The following CADM2 variants were observed in gnomAD, a reference collection of about 807,000 sequenced individuals.
The protein encoded by CADM2 is cell adhesion molecule 2, also known as immunoglobulin superfamily member 4D.
Under a neutral mutation model 49.8 loss-of-function variants are expected in CADM2, and 12 were observed. The observed-to-expected ratio is 0.24, with a 90% CI of 0.15 to 0.39. The LOEUF is 0.39. CADM2 is among the 10% of genes least tolerant of loss of function. CADM2 has a pLI of 1.00. For synonymous variants in CADM2, 214 were observed against 175.4 expected (o/e 1.22, Z -1.74); for missense variants, 378 against 492.3 (o/e 0.77, Z 2.20).
chr3:85,883,425 G>A lies in CADM2; in HGVS notation c.373G>A (p.Ala125Thr), dbSNP rs754848560. The change falls in exon 4 of 10, where the codon GCA becomes ACA. Residue 125 changes from alanine (A) to threonine (T), a missense_variant. Physicochemically the swap from Ala to Thr is moderately conservative, Grantham distance 58. Coordinates refer to ENST00000383699, the MANE Select transcript of CADM2 (RefSeq NM_001167675.2). ...TACAATGCCTGTCAAAACTTCCAAG[G>A]CATATCTCACCGTTCTGGGTAAGTG... is the stretch of plus-strand genomic sequence containing the variant. The part of the protein sequence containing the change: ...LFTMPVKTSK[A>T]YLTVLGVPEK... 1 of 1,613,460 alleles carries A rather than the reference G, an allele frequency of 6.2e-7. No individual in the cohort carries two copies. The highest frequency in any genetic ancestry group is 8.5e-7 in the Non-Finnish European group (1 of 1,179,622).
At chr3:84,966,866 T>C (rs2031037514) in intron 1 of CADM2, among the ~76,000 whole-genome samples, 1 of 152,052 alleles carries the variant, frequency 6.6e-6, no homozygotes, top group African/African-American at 2.4e-5. Flanking sequence ...TTAAGGAGTT[T>C]TTCCAGGGGT....
intron 1 of CADM2, among the ~76,000 whole-genome samples, chr3:85,668,010 T>C (rs2065622670): frequency 6.6e-6 from 1 of 152,050 alleles, no homozygotes; most frequent in Non-Finnish European, 1.5e-5. Context: ...ATTAACATTG[T>C]TGACTCATAG....
chr3:86,057,446 C>T (rs537570619), intron 8 of CADM2, among the ~76,000 whole-genome samples: 22 of 152,036 alleles, frequency 1.4e-4, no homozygotes, highest in Non-Finnish European at 2.1e-4. Flanking sequence ...TATGAAGGGG[C>T]AGTGATCCGT....
intron 8 of CADM2, among the ~76,000 whole-genome samples, chr3:86,026,399 A>G (rs1030230941): frequency 6.6e-5 from 10 of 151,676 alleles, no homozygotes; most frequent in Admixed American, 6.6e-5. Flanking sequence ...ACTGAGTTTG[A>G]TAAATTAGAT....
intron 1 of CADM2, among the ~76,000 whole-genome samples, chr3:85,110,759 G>A (rs567286674): frequency 1.3e-5 from 2 of 151,780 alleles, no homozygotes; most frequent in East Asian, 1.9e-4. Context: ...AATTATTTTG[G>A]TGAAGACAGA....
chr3:85,723,742 A>C lies in CADM2; in HGVS notation c.62-2780A>C, dbSNP rs546340608. Among the ~76,000 whole-genome samples the C allele has an allele frequency of 3.9e-4, 59 of 152,238 alleles. No homozygotes were observed. The South Asian group carries it at 4.6e-3, about 12-fold the overall frequency. ...ATAAATGTAAAGATTAGCTTTATCC[A>C]TCATTATTTCACTAATTTATGATAA... On this transcript the variant is annotated intron_variant, in intron 1 of 9. Coordinates refer to ENST00000383699, the MANE Select transcript of CADM2 (RefSeq NM_001167675.2).
chr3:85,750,808 T>G (rs2068829381), intron 2 of CADM2, among the ~76,000 whole-genome samples: 1 of 151,996 alleles, frequency 6.6e-6, no homozygotes, highest in South Asian at 2.1e-4. Context: ...ATGCTATCAG[T>G]GTGCATACTC....
chr3:85,384,243 T>G (rs1033010935), intron 1 of CADM2, among the ~76,000 whole-genome samples: 1 of 152,214 alleles, frequency 6.6e-6, no homozygotes, highest in Non-Finnish European at 1.5e-5. Context: ...ATATATCTTA[T>G]AGAATGCACT....
chr3:85,884,124 G>A (rs1169473306), intron 4 of CADM2, among the ~76,000 whole-genome samples: 5 of 152,168 alleles, frequency 3.3e-5, no homozygotes, highest in South Asian at 2.1e-4. Context: ...AGGAAATAAA[G>A]TTGCAGCTCT....
At chr3:85,215,919 C>T (rs892947509) in intron 1 of CADM2, among the ~76,000 whole-genome samples, 1 of 152,110 alleles carries the variant, frequency 6.6e-6, no homozygotes, top group African/African-American at 2.4e-5. Flanking sequence ...GGTTCTCTCC[C>T]CACACCATGC....
intron 8 of CADM2, among the ~76,000 whole-genome samples, chr3:86,044,820 C>T (rs1736442772): frequency 6.6e-6 from 1 of 152,098 alleles, no homozygotes; most frequent in Admixed American, 6.5e-5. Flanking sequence ...AAATGTCCAA[C>T]AATGATAGAC....
At chr3:85,389,379 C>A (rs1299148352) in intron 1 of CADM2, among the ~76,000 whole-genome samples, 1 of 152,014 alleles carries the variant, frequency 6.6e-6, no homozygotes, top group Non-Finnish European at 1.5e-5. Context: ...AGGAGACTAG[C>A]AGTTGCAGAA....
intron 7 of CADM2, among the ~76,000 whole-genome samples, chr3:85,958,894 G>A (rs894601777): frequency 5.3e-5 from 8 of 151,804 alleles, no homozygotes; most frequent in African/African-American, 1.9e-4. Flanking sequence ...ACTGGAGCCT[G>A]TTGCAGGGTT....
intron 1 of CADM2, among the ~76,000 whole-genome samples, chr3:85,694,243 C>A (rs1016583730): frequency 1.6e-4 from 25 of 152,246 alleles, no homozygotes; most frequent in Admixed American, 4.6e-4. Context: ...ATGTTGACAT[C>A]TTTGATGTGA....
At chr3:85,008,220 T>C (rs1394699748) in intron 1 of CADM2, among the ~76,000 whole-genome samples, 2 of 152,202 alleles carry the variant, frequency 1.3e-5, no homozygotes, top group Non-Finnish European at 2.9e-5. Context: ...TAGCTAACTA[T>C]CGATATGTGA....
intron 1 of CADM2, among the ~76,000 whole-genome samples, chr3:85,606,248 T>G (rs987699051): frequency 6.6e-6 from 1 of 152,192 alleles, no homozygotes; most frequent in South Asian, 2.1e-4. Flanking sequence ...GAATTTGAAC[T>G]CTCATTTTTT....
chr3:85,978,374 G>C (rs911565836), intron 8 of CADM2, among the ~76,000 whole-genome samples: 5 of 151,494 alleles, frequency 3.3e-5, no homozygotes, highest in Middle Eastern at 6.3e-3. Flanking sequence ...ACTAATTATG[G>C]ATTAGAGGTT....
At chr3:85,384,026 T>C (rs535221524) in intron 1 of CADM2, among the ~76,000 whole-genome samples, 1 of 152,200 alleles carries the variant, frequency 6.6e-6, no homozygotes, top group Non-Finnish European at 1.5e-5. Context: ...CTGGATTAAA[T>C]AATTTGCAAA....
chr3:85,541,205 A>G (rs2061530285), intron 1 of CADM2, among the ~76,000 whole-genome samples: 1 of 151,200 alleles, frequency 6.6e-6, no homozygotes, highest in Non-Finnish European at 1.5e-5. Flanking sequence ...CCAATTTGGC[A>G]CATATATACA....
Sources: gnomAD v4.1 joint callset for allele counts (sites outside exome capture counted in the v4.1 genomes callset) on GRCh38, gnomAD v4.1.1 for gene constraint, MANE v1.5 for transcripts, NCBI Gene and HGNC (gene_info 2026-07-23, HGNC 2026-07-21) for gene names.